ZNRF1: variants seen among roughly 807,000 people sequenced by gnomAD.
The protein encoded by ZNRF1 is E3 ubiquitin-protein ligase ZNRF1.
A neutral mutation model predicts 18.4 loss-of-function variants in ZNRF1; 3 were observed. The ratio of observed to expected loss-of-function variants is 0.16; its 90% CI spans 0.07 to 0.42. The LOEUF (loss-of-function observed/expected upper bound fraction) is 0.42, where lower values mean the gene tolerates loss of function less well. ZNRF1 is among the 10% of genes least tolerant of loss of function. The pLI, the probability that ZNRF1 is intolerant of heterozygous loss-of-function variation, is 0.99. For synonymous variants in ZNRF1, 157 were observed against 144.2 expected (o/e 1.09, Z -0.64); for missense variants, 310 against 329.8 (o/e 0.94, Z 0.47).
intron 4 of ZNRF1, 114 bp from the exon 5 acceptor site, chr16:75,107,619 G>A (rs1035463768): frequency 2.3e-6 from 1 of 432,656 alleles, no homozygotes; most frequent in African/African-American, 2.0e-5. Context: ...TTGGCTTCTG[G>A]GGTCCTGTGT....
chr16:75,087,618 C>T (rs1384664679), intron 1 of ZNRF1, among the ~76,000 whole-genome samples: 1 of 152,182 alleles, frequency 6.6e-6, no homozygotes, highest in Non-Finnish European at 1.5e-5. Flanking sequence ...TTGGCAGAAC[C>T]CACCCAGAGC....
intron 1 of ZNRF1, among the ~76,000 whole-genome samples, chr16:75,005,811 C>T (rs191850886): frequency 9.2e-5 from 14 of 152,212 alleles, no homozygotes; most frequent in Admixed American, 1.3e-4. Context: ...CTCCCTGTCT[C>T]GAAAGTACAG....
At chr16:75,021,919 C>T (rs140417790) in intron 1 of ZNRF1, among the ~76,000 whole-genome samples, 56 of 152,260 alleles carry the variant, frequency 3.7e-4, no homozygotes, top group Admixed American at 2.3e-3. Context: ...TATTCTTTCC[C>T]ATCCCTCCTT....
At chr16:75,076,723 G>A (rs2035944520) in intron 1 of ZNRF1, among the ~76,000 whole-genome samples, 1 of 150,500 alleles carries the variant, frequency 6.6e-6, no homozygotes, top group African/African-American at 2.4e-5. Flanking sequence ...ATGTGTTGAA[G>A]CCTAATCCCT....
chr16:75,021,486 C>T (rs2035147360), intron 1 of ZNRF1, among the ~76,000 whole-genome samples: 1 of 152,308 alleles, frequency 6.6e-6, no homozygotes, highest in Middle Eastern at 3.4e-3. Context: ...AAATTTCCTT[C>T]TTCCAGAGGT....
At chr16:75,044,874 CCCTAAGG>C (rs2035494712) in intron 1 of ZNRF1, among the ~76,000 whole-genome samples, 2 of 152,178 alleles carry the variant, frequency 1.3e-5, no homozygotes, top group Non-Finnish European at 2.9e-5. Flanking sequence ...TAATATAATT[CCCTAAGG>C]AGAGCTTAGT....
intron 1 of ZNRF1, among the ~76,000 whole-genome samples, chr16:75,062,575 G>T (rs969141215): frequency 6.6e-6 from 1 of 152,240 alleles, no homozygotes; most frequent in Non-Finnish European, 1.5e-5. Context: ...CACCCGGGAG[G>T]AGCAGGGACG....
intron 1 of ZNRF1, among the ~76,000 whole-genome samples, chr16:75,039,738 G>C: frequency 6.6e-6 from 1 of 152,328 alleles, no homozygotes; most frequent in South Asian, 2.1e-4. Flanking sequence ...TCTGTCAACA[G>C]GTGTTCCAGG....
chr16:75,026,227 C>T (rs975405821), intron 1 of ZNRF1, among the ~76,000 whole-genome samples: 2 of 151,752 alleles, frequency 1.3e-5, no homozygotes, highest in African/African-American at 2.4e-5. Context: ...TTAAAATATT[C>T]CTAAAAAAGA....
intron 1 of ZNRF1, among the ~76,000 whole-genome samples, chr16:75,018,575 C>A (rs551851649): frequency 3.3e-5 from 5 of 152,114 alleles, no homozygotes; most frequent in Middle Eastern, 3.4e-3. Flanking sequence ...CCTTTATTCT[C>A]TTTTATTCCT....
intron 1 of ZNRF1, among the ~76,000 whole-genome samples, chr16:75,055,698 A>G (rs2035658731): frequency 1.3e-5 from 2 of 152,246 alleles, no homozygotes; most frequent in Admixed American, 1.3e-4. Flanking sequence ...AGAATGCTGC[A>G]GACTTGACCT....
chr16:74,999,571 A>T lies in ZNRF1; in HGVS notation c.-101A>T. 1.2e-6 allele frequency: 1 copy of T among 864,964 alleles called. No homozygotes were observed. The highest frequency in any genetic ancestry group is 1.5e-6 in the Non-Finnish European group (1 of 650,584). The allele number at this position is 864,964 out of a possible 1,614,324, so 53.6% of individuals were successfully genotyped here. ...TTTCTCCCTCCGGGTCTCCTTTTTG[A>T]CTCCCTCCCCCTTTATGCTCGCCCA... On this transcript the variant is annotated 5_prime_UTR_variant, in exon 1 of 5. Coordinates refer to ENST00000335325, the MANE Select transcript of ZNRF1 (RefSeq NM_032268.5).
In ZNRF1 at chr16:75,087,720, CG is replaced by C. The variant is rs572223062; in HGVS notation, c.425-5848del. On this transcript the variant is annotated intron_variant, in intron 1 of 4. Coordinates refer to ENST00000335325, the MANE Select transcript of ZNRF1 (RefSeq NM_032268.5). ...TACTGGCAGAAAAGGACAAGGAACC[CG>C]GGGTACGTTCCCTGCCTCTGCCTCT... Among the ~76,000 whole-genome samples, 47 of 152,242 alleles carry C rather than the reference CG, an allele frequency of 3.1e-4. 1 individual carries two copies. Among genetic ancestry groups the C allele is most frequent in the African/African-American group, 9.9e-4 (41 of 41,542 alleles).
chr16:75,064,579 G>A (rs1036442765), intron 1 of ZNRF1, among the ~76,000 whole-genome samples: 8 of 149,264 alleles, frequency 5.4e-5, no homozygotes, highest in Non-Finnish European at 1.0e-4. Flanking sequence ...AAAAAAAAGC[G>A]TGCTTAGAGC....
intron 1 of ZNRF1, among the ~76,000 whole-genome samples, chr16:75,065,755 T>C (rs7196784): frequency 5.3e-5 from 8 of 152,206 alleles, no homozygotes; most frequent in Non-Finnish European, 1.2e-4. Context: ...TGCTTTTTTT[T>C]CCCCTTCAAT....
intron 1 of ZNRF1, among the ~76,000 whole-genome samples, chr16:75,079,330 A>G (rs2035981842): frequency 6.6e-6 from 1 of 152,134 alleles, no homozygotes; most frequent in Admixed American, 6.5e-5. Context: ...AAATACAAAA[A>G]TTCGCTGGGC....
chr16:75,022,230 G>C (rs1004810778), intron 1 of ZNRF1, among the ~76,000 whole-genome samples: 3 of 151,988 alleles, frequency 2.0e-5, no homozygotes, highest in African/African-American at 7.2e-5. Flanking sequence ...ACTCCAGCCT[G>C]GGTGACAGAG....
intron 1 of ZNRF1, among the ~76,000 whole-genome samples, chr16:75,015,831 A>G (rs973770934): frequency 3.3e-5 from 5 of 152,114 alleles, no homozygotes; most frequent in Admixed American, 1.3e-4. Context: ...AGGGATATAT[A>G]TATTTTTCCA....
intron 1 of ZNRF1, among the ~76,000 whole-genome samples, chr16:75,085,084 A>G (rs2036057961): frequency 1.3e-5 from 2 of 152,136 alleles, no homozygotes; most frequent in Admixed American, 6.5e-5. Context: ...TCTTAAGTGT[A>G]TATTTGGTGG....
Sources: allele counts gnomAD v4.1 joint callset (sites outside exome capture counted in the v4.1 genomes callset), GRCh38; gene constraint gnomAD v4.1.1; transcripts MANE v1.5; gene names NCBI Gene and HGNC (gene_info 2026-07-23, HGNC 2026-07-21).